NLGN3: variants seen among roughly 807,000 people sequenced by gnomAD.
NLGN3 encodes the protein neuroligin-3.
In NLGN3, 11 loss-of-function variants were observed where a neutral mutation model predicts 42.9. That is an observed-to-expected ratio of 0.26 (90% CI 0.16 to 0.42). The LOEUF is 0.42. Among genes scored for constraint, NLGN3 ranks in the 10% least tolerant of loss-of-function variants. The probability of loss-of-function intolerance (pLI) is 1.00; values close to 1 mark genes in which losing one functional copy is unlikely to be tolerated. For missense variants in NLGN3, 374 were observed against 733.8 expected (o/e 0.51, Z 5.67); for synonymous variants, 279 against 312.7 (o/e 0.89, Z 1.14).
chrX:71,154,036 C>T (rs2092399801), intron 4 of NLGN3, among the ~76,000 whole-genome samples: 1 of 111,707 alleles, frequency 9.0e-6, no homozygotes, highest in Admixed American at 9.4e-5. Flanking sequence ...AAAGCAGCAC[C>T]AGAACCTCCC....
downstream of NLGN3, among the ~76,000 whole-genome samples, chrX:71,174,405 T>C (rs1315815685): frequency 8.9e-6 from 1 of 111,884 alleles, no homozygotes; most frequent in African/African-American, 3.3e-5. Flanking sequence ...TGGCCCCACT[T>C]TGACAGATGG....
At chrX:71,164,380 G>T in intron 6 of NLGN3, 52 bp downstream of exon 6, 8 of 1,139,602 alleles carry the variant, frequency 7.0e-6, no homozygotes, top group Non-Finnish European at 8.3e-6. Context: ...GGCTGTCCCA[G>T]CATGCCCCAT....
chrX:71,157,085 G>A (rs746342045), intron 5 of NLGN3, among the ~76,000 whole-genome samples: 30 of 110,806 alleles, frequency 2.7e-4, no homozygotes, highest in African/African-American at 8.5e-4. Flanking sequence ...GGGAGTGTAG[G>A]CTCTTGGTCA....
At chrX:71,159,626 G>A (rs1341043324) in intron 5 of NLGN3, among the ~76,000 whole-genome samples, 2 of 111,708 alleles carry the variant, frequency 1.8e-5, no homozygotes, top group African/African-American at 6.5e-5. Flanking sequence ...TAATCAATAA[G>A]CCCGTATTGG....
Position 71,155,257 on chromosome X carries a change from C to G in NLGN3, c.621C>G (p.His207Gln). The stretch of plus-strand genomic sequence containing the variant: ...CTAAACCCGTCATGGTCTACATCCA[C>G]GGAGGCTCTTACATGGAAGGGACAG... The part of the protein sequence containing the change: ...SGAKPVMVYI[H>Q]GGSYMEGTGN... Residue 207 changes from histidine to glutamine, a missense_variant, in exon 5 of 8, where the codon CAC becomes CAG. Physicochemically the swap from His to Gln is conservative, Grantham distance 24. Coordinates refer to ENST00000358741, the MANE Select transcript of NLGN3 (RefSeq NM_181303.2). 8.3e-7 allele frequency: 1 copy of G among 1,211,549 alleles called. No homozygotes were observed. The highest frequency in any genetic ancestry group is 1.1e-6 in the Non-Finnish European group (1 of 895,115).
At chrX:71,153,004 G>GC (rs1284322085) in intron 3 of NLGN3, among the ~76,000 whole-genome samples, 1 of 111,842 alleles carries the variant, frequency 8.9e-6, no homozygotes, top group African/African-American at 3.3e-5. Context: ...ACACGTCTCT[G>GC]CCCTAAGTAC....
rs953972349 is a variant in NLGN3 at position 71,170,234 on chromosome X, C to G, written c.*137C>G. ...ATACGCACGCACCCACACCCTACAGCAGATCCACCTGCACAAACATAGACA... is the reference window on the plus strand; with the variant it reads ...ATACGCACGCACCCACACCCTACAGGAGATCCACCTGCACAAACATAGACA... On this transcript the variant is annotated 3_prime_UTR_variant, in exon 8 of 8. Transcript: ENST00000358741. 1 of 1,149,729 alleles carries G rather than the reference C, an allele frequency of 8.7e-7. No homozygotes were observed. Among genetic ancestry groups the G allele is most frequent in the Non-Finnish European group, 1.2e-6 (1 of 869,455 alleles). The allele number at this position is 1,149,729 out of a possible 1,213,427, so 94.8% of individuals were successfully genotyped here. A position where few individuals can be genotyped will look rare whatever the true frequency, so the allele number is the denominator to read the frequency against.
chrX:71,167,659 C>T lies in NLGN3; in HGVS notation c.1562C>T (p.Ala521Val), dbSNP rs1330173754. 8.3e-7 allele frequency: 1 copy of T among 1,208,815 alleles called. No homozygotes were observed. Among genetic ancestry groups the T allele is most frequent in the African/African-American group, 1.8e-5 (1 of 56,805 alleles). The change falls in exon 7 of 8, where the codon GCA becomes GTA. Residue 521 changes from alanine to valine, a missense_variant. By Grantham distance (64) the Ala-to-Val change is moderately conservative. Coordinates refer to ENST00000358741, the MANE Select transcript of NLGN3 (RefSeq NM_181303.2). ...CTCATGAAGCCTGCTTGGTCAGATG[C>T]AGCTCATGGGGATGAAGTACCCTAT... ...QSLMKPAWSD[A>V]AHGDEVPYVF...
chrX:71,155,076 T>G, intron 4 of NLGN3, 138 bp from the exon 5 acceptor site: 1 of 654,120 alleles, frequency 1.5e-6, no homozygotes, highest in Non-Finnish European at 2.4e-6. Context: ...AGCAACCCCA[T>G]GAGTCCTGCC....
intron 2 of NLGN3, among the ~76,000 whole-genome samples, chrX:71,148,567 G>A (rs752710477): frequency 1.8e-5 from 2 of 111,741 alleles, no homozygotes; most frequent in Non-Finnish European, 3.8e-5. Flanking sequence ...CACCTGCTTC[G>A]AAAGGTGGTA....
intron 2 of NLGN3, 98 bp downstream of exon 2, chrX:71,148,304 G>C (rs1167536409): frequency 1.5e-6 from 1 of 689,104 alleles, no homozygotes; most frequent in Non-Finnish European, 2.3e-6. Context: ...GCATGCATCT[G>C]TCTGTCTGTG....
intron 5 of NLGN3, among the ~76,000 whole-genome samples, chrX:71,160,049 T>G (rs971325255): frequency 1.9e-5 from 2 of 106,072 alleles, no homozygotes; most frequent in Non-Finnish European, 3.9e-5. Context: ...AATTTTCCTG[T>G]GTAGTGGGGC....
At position 71,150,484 on chromosome X, in the gene NLGN3, G is replaced by A. The variant is rs60675051; in HGVS notation, c.517+1579G>A. 8.7e-3 allele frequency among the ~76,000 whole-genome samples: 961 copies of A among 110,773 alleles called. 8 individuals are homozygous for A. Among genetic ancestry groups the A allele is most frequent in the African/African-American group, 0.03 (923 of 30,477 alleles). Reference sequence around the variant, plus strand: ...TGGGAGGCCGAGGCAGGTGGATCACGAGGTCAGGAGATCGAGACCATCCTG... The same window carrying A: ...TGGGAGGCCGAGGCAGGTGGATCACAAGGTCAGGAGATCGAGACCATCCTG... On this transcript the variant is annotated intron_variant, in intron 3 of 7. Transcript: ENST00000358741.
downstream of NLGN3, chrX:71,171,622 G>A (rs190409766): frequency 2.2e-4 from 163 of 740,366 alleles, no homozygotes; most frequent in African/African-American, 3.0e-4. Flanking sequence ...GACCTCTAAC[G>A]TGCTGAAATT....
At chrX:71,172,554 G>C (rs188337824), downstream of NLGN3, among the ~76,000 whole-genome samples, 14 of 111,220 alleles carry the variant, frequency 1.3e-4, no homozygotes, top group East Asian at 2.8e-3. Flanking sequence ...TTTAGCAAAA[G>C]TGGAAAGCTA....
At chrX:71,158,802 T>C (rs2092418854) in intron 5 of NLGN3, among the ~76,000 whole-genome samples, 1 of 111,804 alleles carries the variant, frequency 8.9e-6, no homozygotes, top group South Asian at 3.7e-4. Context: ...AGTTGGGAAC[T>C]GTGGGCCGCA....
At position 71,145,799 on chromosome X, in the gene NLGN3, G is replaced by C. The variant is rs1180640497; in HGVS notation, c.-201+835G>C. On this transcript the variant is annotated intron_variant, in intron 1 of 7. Transcript: ENST00000358741. ...TTTGTGGGTTGGGGGCAGCACCGAGGGGGTTAATGTGGGGGGGTTGCTGGT... is the reference window on the plus strand; with the variant it reads ...TTTGTGGGTTGGGGGCAGCACCGAGCGGGTTAATGTGGGGGGGTTGCTGGT... 4.0e-5 allele frequency among the ~76,000 whole-genome samples: 4 copies of C among 99,266 alleles called. 1 individual carries two copies. In the South Asian group the frequency reaches 2.2e-3, roughly 54 times the overall value. 86.2% of individuals were successfully genotyped at this position (99,266 alleles called of 115,157 possible).
In NLGN3 at chrX:71,170,290, C is replaced by T. The variant is rs1322514867; in HGVS notation, c.*193C>T. 1.8e-6 allele frequency: 2 copies of T among 1,112,288 alleles called. No homozygotes were observed. The highest frequency in any genetic ancestry group is 1.8e-5 in the African/African-American group (1 of 54,767). The allele number at this position is 1,112,288 out of a possible 1,213,427, so 91.7% of individuals were successfully genotyped here. ...GGACATGCACCCGCATGTACAAAAACACAAATACGGAAGTAAACCTGAACA... is the reference window on the plus strand; with the variant it reads ...GGACATGCACCCGCATGTACAAAAATACAAATACGGAAGTAAACCTGAACA... On this transcript the variant is annotated 3_prime_UTR_variant, in exon 8 of 8. Coordinates refer to ENST00000358741, the MANE Select transcript of NLGN3 (RefSeq NM_181303.2).
At chrX:71,168,105 G>A (rs1347175811) in intron 7 of NLGN3, among the ~76,000 whole-genome samples, 1 of 111,318 alleles carries the variant, frequency 9.0e-6, no homozygotes, top group African/African-American at 3.3e-5. Context: ...AGCACTTTGG[G>A]AGGCAAAGGC....
Sources: gnomAD v4.1 joint callset for allele counts (sites outside exome capture counted in the v4.1 genomes callset) on GRCh38, gnomAD v4.1.1 for gene constraint, MANE v1.5 for transcripts, NCBI Gene and HGNC (gene_info 2026-07-23, HGNC 2026-07-21) for gene names.